INTS10: variants seen among roughly 807,000 people sequenced by gnomAD.
INTS10 encodes integrator complex subunit 10.
INTS10 carries 44 observed loss-of-function variants against 94.4 expected under a neutral mutation model. That is an observed-to-expected ratio of 0.47 (90% confidence interval 0.37 to 0.60). The LOEUF is 0.60. Ranked by LOEUF, INTS10 falls within the 20% of genes least tolerant of loss-of-function variation. The probability of loss-of-function intolerance (pLI) is 0.00; values close to 1 mark genes in which losing one functional copy is unlikely to be tolerated. For missense variants in INTS10, 797 were observed against 868.7 expected (o/e 0.92, Z 1.04); for synonymous variants, 341 against 320.7 (o/e 1.06, Z -0.68).
chr8:19,819,072 A>G (rs1294188909), intron 2 of INTS10, among the ~76,000 whole-genome samples: 1 of 152,234 alleles, frequency 6.6e-6, no homozygotes, highest in Non-Finnish European at 1.5e-5. Flanking sequence ...CCCAGTCTAC[A>G]TTACCACCAA....
rs908529471 is a variant in INTS10 at position 19,817,466 on chromosome 8, G to C, written c.-72G>C. The C allele has an allele frequency of 7.1e-6, 11 of 1,545,292 alleles. No individual in the cohort carries two copies. The highest frequency in any genetic ancestry group is 9.6e-6 in the Non-Finnish European group (11 of 1,149,382). On this transcript the variant is annotated 5_prime_UTR_variant, in exon 1 of 17. Coordinates refer to ENST00000397977, the MANE Select transcript of INTS10 (RefSeq NM_018142.4). ...GGTGGCGGCGGCGGCGGCGGTGGCT[G>C]CCGTGGCGGCTGAGAGTCCAGAGCC...
At chr8:19,826,763 G>C (rs542823818) in intron 9 of INTS10, among the ~76,000 whole-genome samples, 1 of 152,278 alleles carries the variant, frequency 6.6e-6, no homozygotes, top group Non-Finnish European at 1.5e-5. Flanking sequence ...AGACATTTTT[G>C]GTTGTCACAG....
Position 19,817,792 on chromosome 8 carries a change from C to T in INTS10, c.129+126C>T, listed in dbSNP as rs2066043597. 1.8e-6 allele frequency: 2 copies of T among 1,135,418 alleles called. 1 individual carries two copies. Among genetic ancestry groups the T allele is most frequent in the Middle Eastern group, 5.9e-4 (2 of 3,386 alleles). The allele number at this position is 1,135,418 out of a possible 1,614,324, so 70.3% of individuals were successfully genotyped here. On this transcript the variant is annotated intron_variant, in intron 1 of 16. Coordinates refer to ENST00000397977, the MANE Select transcript of INTS10 (RefSeq NM_018142.4). ...CCTCCTGCCCGGCCCCCTGCTTTCT[C>T]CCCTCCCACCCCCTCCTCTCTCCCC...
chr8:19,836,678 G>A (rs2067688767), intron 12 of INTS10, among the ~76,000 whole-genome samples: 1 of 152,132 alleles, frequency 6.6e-6, no homozygotes, highest in Non-Finnish European at 1.5e-5. Context: ...TTAGACCTCT[G>A]CTACATTTTT....
chr8:19,847,175 A>T (rs756507758), intron 16 of INTS10, among the ~76,000 whole-genome samples: 1 of 152,180 alleles, frequency 6.6e-6, no homozygotes, highest in Non-Finnish European at 1.5e-5. Flanking sequence ...TGGAAAGATT[A>T]AGTGGTTTTT....
Position 19,849,567 on chromosome 8 carries a change from A to C in INTS10, c.1977-2082A>C, listed in dbSNP as rs1428343048. On this transcript the variant is annotated intron_variant, in intron 16 of 16. Coordinates refer to ENST00000397977, the MANE Select transcript of INTS10 (RefSeq NM_018142.4). The surrounding 1 kb of genome is among the most constrained non-coding windows in gnomAD (Gnocchi z 4.6). Reference sequence around the variant, plus strand: ...TGATAAAACGTTAAGGCTTTCGGTCATATATATTTAAGGATGCTGACGTTT... The same window carrying C: ...TGATAAAACGTTAAGGCTTTCGGTCCTATATATTTAAGGATGCTGACGTTT... Among the ~76,000 whole-genome samples, 1 of 152,190 alleles carries C rather than the reference A, an allele frequency of 6.6e-6. No individual in the cohort carries two copies. Among genetic ancestry groups the C allele is most frequent in the Non-Finnish European group, 1.5e-5 (1 of 68,040 alleles).
At position 19,846,267 on chromosome 8, in the gene INTS10, CAAAA is replaced by C. The variant is rs565675578; in HGVS notation, c.1976+483_1976+486del. Reference sequence around the variant, plus strand: ...TGAAACCCCGTCTCTACTAAAAATACAAAAAAAAAAAAAAAATTATGTGGGCATG... The same window carrying C: ...TGAAACCCCGTCTCTACTAAAAATACAAAAAAAAAAAATTATGTGGGCATG... On this transcript the variant is annotated intron_variant, in intron 16 of 16. Coordinates refer to ENST00000397977, the MANE Select transcript of INTS10 (RefSeq NM_018142.4). This position sits in a 1 kb window ranked among gnomAD's most constrained non-coding sequence, Gnocchi z 4.2. 9.4e-6 allele frequency among the ~76,000 whole-genome samples: 1 copy of C among 105,908 alleles called. No individual in the cohort carries two copies. Among genetic ancestry groups the C allele is most frequent in the Non-Finnish European group, 2.1e-5 (1 of 48,662 alleles). 69.5% of individuals were successfully genotyped at this position (105,908 alleles called of 152,430 possible). A position where few individuals can be genotyped will look rare whatever the true frequency, so the allele number is the denominator to read the frequency against.
chr8:19,842,596 T>G (rs1474172694), intron 13 of INTS10, among the ~76,000 whole-genome samples: 2 of 152,216 alleles, frequency 1.3e-5, no homozygotes, highest in East Asian at 3.8e-4. Context: ...TTGTGTATAT[T>G]TGAAATGTTT....
chr8:19,840,473 A>C (rs951975033), intron 13 of INTS10, among the ~76,000 whole-genome samples: 1 of 152,244 alleles, frequency 6.6e-6, no homozygotes, highest in Non-Finnish European at 1.5e-5. Flanking sequence ...ATATTACATA[A>C]TCTAGAATAG....
At position 19,832,064 on chromosome 8, in the gene INTS10, C is replaced by A; in HGVS notation, c.1331C>A (p.Thr444Asn). ...TRICLAWKTDTWLWLRIFLTD... is the reference protein window; with the variant it reads ...TRICLAWKTDNWLWLRIFLTD... ...ATTTGCTTGGCCTGGAAGACGGATA[C>A]TTGGCTTTGGTTAAGAATCTTCCTC... Residue 444 changes from threonine to asparagine, a missense_variant, in exon 11 of 17, where the codon ACT (threonine) becomes AAT (asparagine). Physicochemically the swap from Thr to Asn is moderately conservative, Grantham distance 65. This residue lies in a region of INTS10 where 734 missense variants were observed against 787.8 expected (regional missense o/e 0.93). Transcript: ENST00000397977. 6.2e-7 allele frequency: 1 copy of A among 1,608,042 alleles called. No individual in the cohort carries two copies. Among genetic ancestry groups the A allele is most frequent in the Non-Finnish European group, 8.5e-7 (1 of 1,174,424 alleles).
In INTS10 at chr8:19,845,750, T is replaced by G. The variant is rs1458272257; in HGVS notation, c.1929T>G (p.Gly643=). The stretch of plus-strand genomic sequence containing the variant: ...TTGCCTACTTGAGAACTCAGGAAGG[T>G]GGGAAAATTCATCTGGAATTACTAC... The part of the protein sequence containing the change: ...EEFAYLRTQE[G]GKIHLELLPN... The change falls in exon 16 of 17, where the codon GGT becomes GGG. Residue 643 remains glycine (G), a synonymous_variant. Coordinates refer to ENST00000397977, the MANE Select transcript of INTS10 (RefSeq NM_018142.4). 4 of 1,614,000 alleles carry G rather than the reference T, an allele frequency of 2.5e-6. No individual in the cohort carries two copies. The East Asian group carries it at 6.7e-5, about 27-fold the overall frequency.
At chr8:19,831,076 G>A (rs1273170979) in intron 10 of INTS10, among the ~76,000 whole-genome samples, 3 of 152,180 alleles carry the variant, frequency 2.0e-5, no homozygotes, top group Non-Finnish European at 2.9e-5. Flanking sequence ...TTTTGACATT[G>A]CTTAGAAATC....
At chr8:19,819,425 A>C in intron 2 of INTS10, 148 bp from the exon 3 acceptor site, 1 of 528,618 alleles carries the variant, frequency 1.9e-6, no homozygotes, top group South Asian at 3.8e-5. Context: ...AGTAATTCTT[A>C]TTTTTACATT....
Position 19,851,193 on chromosome 8 carries a change from G to A in INTS10, c.1977-456G>A, listed in dbSNP as rs2069006131. Among the ~76,000 whole-genome samples the A allele has an allele frequency of 6.6e-6, 1 of 152,176 alleles. No individual in the cohort carries two copies. Among genetic ancestry groups the A allele is most frequent in the Non-Finnish European group, 1.5e-5 (1 of 68,042 alleles). On this transcript the variant is annotated intron_variant, in intron 16 of 16. Transcript: ENST00000397977. This position sits in a 1 kb window ranked among gnomAD's most constrained non-coding sequence, Gnocchi z 5.0. ...GAGCACCAGCTGCGGGGGCCATGGT[G>A]GGAGCTCACTTGGGTGATTGGCTCA...
At chr8:19,845,534 A>T in intron 15 of INTS10, 170 bp from the exon 16 acceptor site, 1 of 607,768 alleles carries the variant, frequency 1.6e-6, no homozygotes, top group Non-Finnish European at 3.0e-6. Context: ...GTGGGGTAGC[A>T]ATGGGCAAGT....
At position 19,845,694 on chromosome 8, in the gene INTS10, T is replaced by C; in HGVS notation, c.1883-10T>C. The C allele has an allele frequency of 6.2e-7, 1 of 1,604,338 alleles. No homozygotes were observed. Among genetic ancestry groups the C allele is most frequent in the Non-Finnish European group, 8.5e-7 (1 of 1,171,114 alleles). On this transcript the variant is annotated splice_polypyrimidine_tract_variant and intron_variant, in intron 15 of 16. Coordinates refer to ENST00000397977, the MANE Select transcript of INTS10 (RefSeq NM_018142.4). ...TTTTTACATGTGGTTAACCTGAATC[T>C]GGCCTGCAGATATTGATATGCTGGA...
chr8:19,817,924 G>A (rs2066059658), intron 1 of INTS10, among the ~76,000 whole-genome samples: 1 of 152,160 alleles, frequency 6.6e-6, no homozygotes, highest in African/African-American at 2.4e-5. Flanking sequence ...TTGAGGTCGG[G>A]TGTGCTTAGG....
chr8:19,840,467 T>A (rs2068042478), intron 13 of INTS10, among the ~76,000 whole-genome samples: 1 of 152,144 alleles, frequency 6.6e-6, no homozygotes, highest in Non-Finnish European at 1.5e-5. Flanking sequence ...GTGGAAATAT[T>A]ACATAATCTA....
intron 16 of INTS10, among the ~76,000 whole-genome samples, chr8:19,850,157 GAAAA>G (rs531903037): frequency 6.8e-6 from 1 of 148,006 alleles, no homozygotes; most frequent in African/African-American, 2.5e-5. Flanking sequence ...AAGAAAGAAA[GAAAA>G]AAAAAGGAGG....
Sources: allele counts gnomAD v4.1 joint callset (sites outside exome capture counted in the v4.1 genomes callset), GRCh38; gene constraint gnomAD v4.1.1; regional missense constraint gnomAD v4.1.1; non-coding constraint Gnocchi (gnomAD v3.1); transcripts MANE v1.5; gene names NCBI Gene and HGNC (gene_info 2026-07-23, HGNC 2026-07-21).